Variants in RPS24 observed in about 807,000 individuals in gnomAD.
The protein encoded by RPS24 is small ribosomal subunit protein eS24.
For missense variants in RPS24, 100 were observed against 162.5 expected, an observed-to-expected ratio of 0.62 and a Z score of 2.09; for synonymous variants, 72 against 55.6, an observed-to-expected ratio of 1.30 and a Z score of -1.31.
At chr10:78,051,309 T>C (rs1182170565) in intron 4 of RPS24, among the ~76,000 whole-genome samples, 1 of 152,246 alleles carries the variant, frequency 6.6e-6, no homozygotes, top group Non-Finnish European at 1.5e-5. Context: ...AATTTGTCTA[T>C]TCTGGAAACT....
At chr10:78,037,048 C>G (rs1042488921) in intron 3 of RPS24, 146 bp from the exon 4 acceptor site, 8 of 920,264 alleles carry the variant, frequency 8.7e-6, no homozygotes, top group Middle Eastern at 3.3e-4. Flanking sequence ...TCTGTTCCAG[C>G]AAAAACATGC....
chr10:78,033,930 C>T lies in RPS24; in HGVS notation c.3+26C>T, dbSNP rs3740253. ...GTGAGTCTCCCTGGGCCCGTGCAGT[C>T]ATCTGCCGCGTATCCGAGCCATCCG... On this transcript the variant is annotated intron_variant, in intron 1 of 5. Coordinates refer to ENST00000372360, the MANE Select transcript of RPS24 (RefSeq NM_033022.4). 948,537 of 1,612,764 alleles carry T rather than the reference C, an allele frequency of 0.59. 283,526 individuals are homozygous for T. The highest frequency in any genetic ancestry group is 0.63 in the Admixed American group (37,872 of 60,008).
At chr10:78,035,867 A>T in intron 3 of RPS24, 147 bp downstream of exon 3, 1 of 750,786 alleles carries the variant, frequency 1.3e-6, no homozygotes, top group South Asian at 1.5e-5. Context: ...CATAAAATGC[A>T]CAGGTGGAGT....
intron 4 of RPS24, among the ~76,000 whole-genome samples, chr10:78,047,586 G>A (rs1398774080): frequency 6.6e-6 from 1 of 152,202 alleles, no homozygotes; most frequent in Non-Finnish European, 1.5e-5. Context: ...TCTTCTCAGA[G>A]AAGGTCTAAT....
chr10:78,045,090 G>A (rs1213041567), downstream of RPS24, among the ~76,000 whole-genome samples: 1 of 152,078 alleles, frequency 6.6e-6, no homozygotes, highest in Non-Finnish European at 1.5e-5. Context: ...CTGGGTTCAA[G>A]CAATTCTCTG....
At chr10:78,054,618 G>C in exon 5 of RPS24, 1 of 1,551,720 alleles carries the variant, frequency 6.4e-7, no homozygotes, top group Non-Finnish European at 8.7e-7. Flanking sequence ...GAAGGCAAGA[G>C]AAAGCCGGGG....
intron 1 of RPS24, chr10:78,034,214 G>A (rs1378118161): frequency 1.9e-6 from 1 of 536,150 alleles, no homozygotes; most frequent in African/African-American, 1.9e-5. Flanking sequence ...GACACTGGGA[G>A]GCACATCTCG....
At chr10:78,041,859 A>G (rs1244767136), downstream of RPS24, among the ~76,000 whole-genome samples, 3 of 152,236 alleles carry the variant, frequency 2.0e-5, no homozygotes, top group Admixed American at 6.5e-5. Flanking sequence ...GCATAGCTGC[A>G]GAGAGCCTGA....
At chr10:78,042,447 A>C (rs1863901), downstream of RPS24, among the ~76,000 whole-genome samples, 3,027 of 152,320 alleles carry the variant, frequency 0.02, 68 homozygotes, top group Admixed American at 0.077. Context: ...AGGATGTAAC[A>C]ACTGTGAAAA....
chr10:78,052,652 C>T (rs559056645), intron 4 of RPS24, among the ~76,000 whole-genome samples: 26 of 152,254 alleles, frequency 1.7e-4, no homozygotes, highest in Middle Eastern at 3.4e-3. Context: ...TTGGAAGCCA[C>T]GAGGAGGAGT....
chr10:78,037,044 CCAGCAAAAA>C (rs1564629083), intron 3 of RPS24, 141 bp from the exon 4 acceptor site: 5 of 883,586 alleles, frequency 5.7e-6, no homozygotes, highest in Non-Finnish European at 8.8e-6. Flanking sequence ...CCTTTCTGTT[CCAGCAAAAA>C]CATGCATTAA....
chr10:78,056,768 G>A (rs773080700), exon 5 of RPS24: 4 of 152,200 alleles, frequency 2.6e-5, no homozygotes, highest in Non-Finnish European at 5.9e-5. Flanking sequence ...TATACCCCTG[G>A]ACTCTAGTTA....
At chr10:78,034,778 A>G (rs1238008769) in intron 1 of RPS24, among the ~76,000 whole-genome samples, 1 of 152,268 alleles carries the variant, frequency 6.6e-6, no homozygotes, top group African/African-American at 2.4e-5. Context: ...ACATGTAGGT[A>G]GTGAGTACAA....
chr10:78,056,249 G>C (rs1731987558), exon 5 of RPS24: 2 of 152,372 alleles, frequency 1.3e-5, no homozygotes, highest in African/African-American at 4.8e-5. Flanking sequence ...GTCAGAAGAT[G>C]GCTCCTGTCC....
At position 78,054,720 on chromosome 10, in the gene RPS24, G is replaced by A. The variant is rs373803297; in HGVS notation, c.580G>A (p.Val194Ile). The A allele has an allele frequency of 1.2e-5, 18 of 1,551,556 alleles. No individual in the cohort carries two copies. In the South Asian group the frequency reaches 1.3e-4, roughly 11 times the overall value. ...CTGTGGCAAGTATTTACAGGTGGCC[G>A]TTACCTGGAGGAAGACTGAAAACAG... The change falls in exon 5 of 5, where the codon GTT (valine) becomes ATT (isoleucine). Residue 194 changes from valine to isoleucine, a missense_variant. Coordinates refer to the RPS24 transcript ENST00000440692.
downstream of RPS24, among the ~76,000 whole-genome samples, chr10:78,043,211 G>A (rs1466118922): frequency 6.6e-6 from 1 of 152,118 alleles, no homozygotes; most frequent in African/African-American, 2.4e-5. Flanking sequence ...CACCATGTTA[G>A]CCAGGATGGT....
At chr10:78,054,629 G>C in exon 5 of RPS24, 1 of 1,551,702 alleles carries the variant, frequency 6.4e-7, no homozygotes, top group Non-Finnish European at 8.7e-7. Flanking sequence ...AAAGCCGGGG[G>C]GTTGTGTGGC....
At chr10:78,034,160 C>G in intron 1 of RPS24, 2 of 228,130 alleles carry the variant, frequency 8.8e-6, no homozygotes, top group Non-Finnish European at 1.7e-5. Flanking sequence ...TTGTTGACTT[C>G]GTGGAGCACG....
chr10:78,055,186 C>T (rs1848138758), exon 5 of RPS24: 2 of 1,088,942 alleles, frequency 1.8e-6, no homozygotes, highest in African/African-American at 1.6e-5. Context: ...GACCTCCCCA[C>T]GCCCCCACAA....
Sources: allele counts gnomAD v4.1 joint callset (sites outside exome capture counted in the v4.1 genomes callset), GRCh38; gene constraint gnomAD v4.1.1; transcripts MANE v1.5; gene names NCBI Gene and HGNC (gene_info 2026-07-23, HGNC 2026-07-21).